Variants in SLC7A5 observed in about 807,000 individuals in gnomAD.
SLC7A5 encodes the protein large neutral amino acids transporter small subunit 1.
A neutral mutation model predicts 50.2 loss-of-function variants in SLC7A5; 23 were observed. That is an observed-to-expected ratio of 0.46 (90% CI 0.33 to 0.65). SLC7A5 has a LOEUF of 0.65. SLC7A5 is among the 30% of genes least tolerant of loss of function. SLC7A5 has a pLI of 0.02. For missense variants in SLC7A5, 578 were observed against 684.4 expected, an observed-to-expected ratio of 0.84 and a Z score of 1.73; for synonymous variants, 393 against 330.6, an observed-to-expected ratio of 1.19 and a Z score of -2.05.
At chr16:87,851,475 G>C (rs1368033262) in intron 2 of SLC7A5, among the ~76,000 whole-genome samples, 1 of 152,208 alleles carries the variant, frequency 6.6e-6, no homozygotes, top group South Asian at 2.1e-4. Flanking sequence ...ACATCGCAGC[G>C]TAAAAAACAA....
intron 1 of SLC7A5, among the ~76,000 whole-genome samples, chr16:87,868,556 G>A (rs928749855): frequency 6.6e-6 from 1 of 152,236 alleles, no homozygotes; most frequent in African/African-American, 2.4e-5. Flanking sequence ...TGCCACGCAA[G>A]AGGCTGGGAG....
chr16:87,855,074 CTGG>C (rs1482070161), intron 1 of SLC7A5, among the ~76,000 whole-genome samples: 1 of 152,244 alleles, frequency 6.6e-6, no homozygotes, highest in Non-Finnish European at 1.5e-5. Flanking sequence ...AGCTGTGGTC[CTGG>C]TCCTGACTCA....
intron 2 of SLC7A5, among the ~76,000 whole-genome samples, chr16:87,845,273 A>C (rs1206907933): frequency 6.6e-6 from 1 of 152,220 alleles, no homozygotes; most frequent in Admixed American, 6.5e-5. Flanking sequence ...AGCCGAGTGC[A>C]CAGCCAATGG....
intron 4 of SLC7A5, among the ~76,000 whole-genome samples, chr16:87,840,084 A>G (rs1244694076): frequency 6.6e-6 from 1 of 152,152 alleles, no homozygotes; most frequent in Non-Finnish European, 1.5e-5. Flanking sequence ...CTTCGGGGTG[A>G]CCTCAAGGGC....
chr16:87,849,355 G>A (rs1039518864), intron 2 of SLC7A5, among the ~76,000 whole-genome samples: 1 of 152,220 alleles, frequency 6.6e-6, no homozygotes, highest in African/African-American at 2.4e-5. Flanking sequence ...CAGGAATTCT[G>A]CAGACACTGC....
At position 87,836,549 on chromosome 16, in the gene SLC7A5, G is replaced by A. The variant is rs371674151; in HGVS notation, c.1239C>T (p.Ile413=). The part of the protein sequence containing the change: ...FNWLCVALAI[I]GMIWLRHRKP... ...TTCTGTGGCGCAGCCAGATCATGCC[G>A]ATGATGGCCAGGGCCACGCAGAGCC... Residue 413 remains isoleucine, a synonymous_variant, in exon 8 of 10, where the codon ATC becomes ATT. Coordinates refer to ENST00000261622, the MANE Select transcript of SLC7A5 (RefSeq NM_003486.7). 2.0e-5 allele frequency: 32 copies of A among 1,613,402 alleles called. No individual in the cohort carries two copies. In the East Asian group the frequency reaches 2.9e-4, roughly 15 times the overall value.
At chr16:87,838,883 G>A in intron 5 of SLC7A5, 66 bp from the exon 6 acceptor site, 1 of 1,175,420 alleles carries the variant, frequency 8.5e-7, no homozygotes, top group Non-Finnish European at 1.3e-6. Context: ...GTGCTCACTG[G>A]GAGCCCTCTG....
intron 1 of SLC7A5, chr16:87,854,071 C>CG (rs2055278054): frequency 1.2e-5 from 1 of 85,012 alleles, no homozygotes; most frequent in African/African-American, 6.1e-5. Flanking sequence ...AGGACCCCCC[C>CG]GCCCCCCCCC....
chr16:87,838,157 C>G (rs113073288), intron 6 of SLC7A5, among the ~76,000 whole-genome samples: 1,966 of 152,362 alleles, frequency 0.013, 70 homozygotes, highest in African/African-American at 0.044. Context: ...ACTGCTCACT[C>G]CAGCCCGGGG....
At position 87,864,232 on chromosome 16, in the gene SLC7A5, C is replaced by CT. The variant is rs577724253; in HGVS notation, c.538+4652_538+4653insA. On this transcript the variant is annotated intron_variant, in intron 1 of 9. Coordinates refer to ENST00000261622, the MANE Select transcript of SLC7A5 (RefSeq NM_003486.7). ...GCTTGAACCCAGGAGGCAGAGGTTG[C>CT]AGTGAGCCGAGATCGTGCCATTGCA... 3.2e-3 allele frequency among the ~76,000 whole-genome samples: 492 copies of CT among 151,558 alleles called. 2 individuals are homozygous for CT. Among genetic ancestry groups the CT allele is most frequent in the Middle Eastern group, 0.01 (3 of 294 alleles).
rs1449763912 is a variant in SLC7A5, at chr16:87,853,614, A to G, written c.539-1765T>C. 2.6e-5 allele frequency among the ~76,000 whole-genome samples: 4 copies of G among 152,266 alleles called. No homozygotes were observed. In the East Asian group the frequency reaches 7.7e-4, roughly 29 times the overall value. ...AGCTCCTTGTCCGCTGCACAGGGCAAGGGGCAGGTCCTGGCTTGCCAGTCC... is the reference window on the plus strand; with the variant it reads ...AGCTCCTTGTCCGCTGCACAGGGCAGGGGGCAGGTCCTGGCTTGCCAGTCC... On this transcript the variant is annotated intron_variant, in intron 1 of 9. Coordinates refer to ENST00000261622, the MANE Select transcript of SLC7A5 (RefSeq NM_003486.7). The surrounding 1 kb of genome is among the most constrained non-coding windows in gnomAD (Gnocchi z 4.4).
At chr16:87,837,752 C>T in intron 7 of SLC7A5, 93 bp downstream of exon 7, 1 of 1,047,394 alleles carries the variant, frequency 9.5e-7, no homozygotes, top group Non-Finnish European at 1.4e-6. Context: ...CAGTCCACAC[C>T]CCAGACAGAG....
chr16:87,839,910 G>A (rs2055062330), intron 4 of SLC7A5, 85 bp from the exon 5 acceptor site: 8 of 1,556,750 alleles, frequency 5.1e-6, no homozygotes, highest in Non-Finnish European at 5.3e-6. Flanking sequence ...TGGGCTCCTC[G>A]CAAGCAGTAG....
rs1392677429 is a variant in SLC7A5, at chr16:87,834,804, C to A, written c.1291-213G>T. The A allele has an allele frequency of 2.3e-5, 14 of 611,388 alleles. No homozygotes were observed. The Middle Eastern group carries it at 1.3e-3, about 56-fold the overall frequency. The allele number at this position is 611,388 out of a possible 1,614,324, so 37.9% of individuals were successfully genotyped here. On this transcript the variant is annotated intron_variant, in intron 8 of 9. Coordinates refer to ENST00000261622, the MANE Select transcript of SLC7A5 (RefSeq NM_003486.7). ...CTGGGCATGTTGCCAGGGGCTCAGG[C>A]GGCTTATGATGAGGGATGGAAGGAG...
chr16:87,842,793 C>G (rs141038096), intron 2 of SLC7A5, among the ~76,000 whole-genome samples: 1 of 152,188 alleles, frequency 6.6e-6, no homozygotes, highest in Non-Finnish European at 1.5e-5. Flanking sequence ...GGTCAGCAGG[C>G]GGAGCTTGAC....
chr16:87,851,901 C>A, intron 1 of SLC7A5, 52 bp from the exon 2 acceptor site: 1 of 1,610,616 alleles, frequency 6.2e-7, no homozygotes, highest in Non-Finnish European at 8.5e-7. Flanking sequence ...GACGCCAGCT[C>A]AGGGGTAGGC....
chr16:87,851,795 T>A lies in SLC7A5; in HGVS notation c.593A>T (p.Asp198Val). The part of the protein sequence containing the change: ...YSVKAATRVQ[D>V]AFAAAKLLAL... ...CAGGAGCTTGGCGGCGGCAAAGGCATCCTGGACCCGGGTGGCGGCCTTCAC... is the reference window on the plus strand; with the variant it reads ...CAGGAGCTTGGCGGCGGCAAAGGCAACCTGGACCCGGGTGGCGGCCTTCAC... The change falls in exon 2 of 10, where the codon GAT becomes GTT. Residue 198 changes from aspartate (D) to valine (V), a missense_variant. Asp to Val is a radical substitution (Grantham distance 152). Transcript: ENST00000261622. 6.2e-7 allele frequency: 1 copy of A among 1,613,118 alleles called. No individual in the cohort carries two copies. The highest frequency in any genetic ancestry group is 8.5e-7 in the Non-Finnish European group (1 of 1,179,952).
chr16:87,838,933 T>C, intron 5 of SLC7A5, 116 bp from the exon 6 acceptor site: 1 of 772,712 alleles, frequency 1.3e-6, no homozygotes. Flanking sequence ...ACAAGAGCCC[T>C]CTGCAGAGGA....
chr16:87,851,699 G>A (rs1229832525), intron 2 of SLC7A5, 25 bp downstream of exon 2: 16 of 1,604,202 alleles, frequency 1.0e-5, no homozygotes, highest in African/African-American at 5.4e-5. Flanking sequence ...AGGGGCCGCC[G>A]GTGGGGCCTG....
Sources: allele counts gnomAD v4.1 joint callset (sites outside exome capture counted in the v4.1 genomes callset), GRCh38; gene constraint gnomAD v4.1.1; non-coding constraint Gnocchi (gnomAD v3.1); transcripts MANE v1.5; gene names NCBI Gene and HGNC (gene_info 2026-07-23, HGNC 2026-07-21).